Variants in ADGRB3 observed in about 807,000 individuals in gnomAD.
ADGRB3 encodes the protein brain-specific angiogenesis inhibitor 3.
A neutral mutation model predicts 193.4 loss-of-function variants in ADGRB3; 37 were observed. That is an observed-to-expected ratio of 0.19 (90% CI 0.15 to 0.25). ADGRB3 has a LOEUF of 0.25. ADGRB3 is among the 10% of genes least tolerant of loss of function. ADGRB3 has a pLI of 1.00. For synonymous variants in ADGRB3, 690 were observed against 644.2 expected, an observed-to-expected ratio of 1.07 and a Z score of -1.08; for missense variants, 1,637 against 1,852.9, an observed-to-expected ratio of 0.88 and a Z score of 2.14.
intron 26 of ADGRB3, among the ~76,000 whole-genome samples, chr6:69,351,095 C>CTTTTT (rs10649928): frequency 2.2e-5 from 3 of 139,244 alleles, no homozygotes; most frequent in Non-Finnish European, 3.1e-5. Context: ...TCCCTAGATA[C>CTTTTT]TTTTTTTTTT....
chr6:68,765,372 A>G (rs1324163690), intron 3 of ADGRB3, among the ~76,000 whole-genome samples: 1 of 152,116 alleles, frequency 6.6e-6, no homozygotes, highest in Non-Finnish European at 1.5e-5. Context: ...TTTTTAAAAT[A>G]TTTTGTAGTC....
intron 17 of ADGRB3, among the ~76,000 whole-genome samples, chr6:69,151,954 T>A (rs1774692725): frequency 6.6e-6 from 1 of 152,200 alleles, no homozygotes; most frequent in Non-Finnish European, 1.5e-5. Flanking sequence ...AGGAGCTTTT[T>A]CCCCTTTTGC....
chr6:69,199,928 AG>A (rs2150357517), intron 17 of ADGRB3, among the ~76,000 whole-genome samples: 1 of 152,158 alleles, frequency 6.6e-6, no homozygotes, highest in East Asian at 1.9e-4. Context: ...TTCAAATGTT[AG>A]TTATTTGTTA....
intron 3 of ADGRB3, among the ~76,000 whole-genome samples, chr6:68,871,373 T>C (rs542684369): frequency 6.6e-6 from 1 of 152,290 alleles, no homozygotes; most frequent in East Asian, 1.9e-4. Context: ...ATTAATTCCC[T>C]TTCAAAATAT....
chr6:69,133,256 G>A (rs1774063477), intron 17 of ADGRB3, among the ~76,000 whole-genome samples: 1 of 152,148 alleles, frequency 6.6e-6, no homozygotes, highest in African/African-American at 2.4e-5. Context: ...CTATCCATGA[G>A]CATGGAATGT....
chr6:69,380,797 A>G (rs1321787759), intron 30 of ADGRB3, among the ~76,000 whole-genome samples: 2 of 151,888 alleles, frequency 1.3e-5, no homozygotes, highest in Non-Finnish European at 2.9e-5. Flanking sequence ...TCAAGCTACC[A>G]GAGATCAGAA....
intron 16 of ADGRB3, among the ~76,000 whole-genome samples, 163 bp downstream of exon 16, chr6:69,063,199 A>G (rs1031802267): frequency 6.6e-6 from 1 of 152,058 alleles, no homozygotes; most frequent in Non-Finnish European, 1.5e-5. Flanking sequence ...TGATTATTCT[A>G]TGCTTTTTTC....
intron 3 of ADGRB3, among the ~76,000 whole-genome samples, chr6:68,843,049 AAC>A (rs1491024077): frequency 1.6e-5 from 1 of 61,414 alleles, no homozygotes. Context: ...CATATACAAC[AAC>A]AAAAAAAAAA....
chr6:68,661,853 T>G (rs989823641), intron 3 of ADGRB3, among the ~76,000 whole-genome samples: 3 of 151,180 alleles, frequency 2.0e-5, no homozygotes, highest in Non-Finnish European at 4.4e-5. Flanking sequence ...GATGCCTTAA[T>G]GGGACCATGA....
intron 3 of ADGRB3, among the ~76,000 whole-genome samples, chr6:68,739,554 G>A (rs1765937341): frequency 6.6e-6 from 1 of 152,132 alleles, no homozygotes; most frequent in African/African-American, 2.4e-5. Context: ...TCTAGATGCA[G>A]GTAGGTGATA....
chr6:68,706,613 A>G (rs903122889), intron 3 of ADGRB3, among the ~76,000 whole-genome samples: 4 of 152,186 alleles, frequency 2.6e-5, no homozygotes, highest in Non-Finnish European at 5.9e-5. Flanking sequence ...TAATATTTCT[A>G]TGCATTAATT....
In ADGRB3 at chr6:68,735,285, AAT is replaced by A. The variant is rs1177471951; in HGVS notation, c.757+95856_757+95857del. Among the ~76,000 whole-genome samples, 8 of 152,092 alleles carry A rather than the reference AAT, an allele frequency of 5.3e-5. No individual in the cohort carries two copies. The East Asian group carries it at 9.7e-4, about 18-fold the overall frequency. ...ATTTAATCTAAGACATACGTGAAAA[AAT>A]ATGTTTGCCTATTTTCTGAAAGTTT... On this transcript the variant is annotated intron_variant, in intron 3 of 31. Transcript: ENST00000370598.
intron 17 of ADGRB3, among the ~76,000 whole-genome samples, chr6:69,202,617 T>C (rs1044298514): frequency 6.6e-6 from 1 of 152,136 alleles, no homozygotes; most frequent in Non-Finnish European, 1.5e-5. Context: ...AGTGTCCTAA[T>C]TGAGATTTCA....
At chr6:69,382,525 C>A (rs1462822197) in intron 30 of ADGRB3, among the ~76,000 whole-genome samples, 9 of 151,822 alleles carry the variant, frequency 5.9e-5, no homozygotes, top group African/African-American at 2.2e-4. Flanking sequence ...TTTTGTAAAA[C>A]AGTTTTAACT....
intron 29 of ADGRB3, among the ~76,000 whole-genome samples, chr6:69,371,864 G>A (rs1438609163): frequency 6.6e-6 from 1 of 152,056 alleles, no homozygotes; most frequent in Non-Finnish European, 1.5e-5. Flanking sequence ...GCAATGAGAA[G>A]GACTTTTCTG....
intron 17 of ADGRB3, among the ~76,000 whole-genome samples, chr6:69,215,005 A>G (rs1765747496): frequency 2.0e-5 from 3 of 152,112 alleles, no homozygotes; most frequent in Admixed American, 6.6e-5. Flanking sequence ...ACTCTTGGGA[A>G]AACACATGCC....
intron 3 of ADGRB3, among the ~76,000 whole-genome samples, chr6:68,754,842 T>C (rs767699897): frequency 6.6e-6 from 1 of 151,746 alleles, no homozygotes; most frequent in South Asian, 2.1e-4. Context: ...TATTCTGGAG[T>C]GACAGGGCTG....
chr6:69,094,027 T>C (rs1772793510), intron 17 of ADGRB3, among the ~76,000 whole-genome samples: 1 of 152,198 alleles, frequency 6.6e-6, no homozygotes. Context: ...GGCTGGAAAC[T>C]GTACTGATGC....
intron 17 of ADGRB3, among the ~76,000 whole-genome samples, chr6:69,208,193 G>A (rs915807288): frequency 1.3e-5 from 2 of 152,212 alleles, no homozygotes; most frequent in African/African-American, 4.8e-5. Context: ...TGGGGAAAGA[G>A]GCTGAGTGAT....
Sources: allele counts gnomAD v4.1 joint callset (sites outside exome capture counted in the v4.1 genomes callset), GRCh38; gene constraint gnomAD v4.1.1; transcripts MANE v1.5; gene names NCBI Gene and HGNC (gene_info 2026-07-23, HGNC 2026-07-21).